Variants in APOL1 observed in about 807,000 individuals in gnomAD.
The protein encoded by APOL1 is apolipoprotein L 1.
A neutral mutation model predicts 14.9 loss-of-function variants in APOL1; 17 were observed. The observed-to-expected ratio is 1.14, with a 90% CI of 0.78 to 1.71. APOL1 has a LOEUF of 1.71. APOL1 is among the 40% of genes most tolerant of loss of function. APOL1 has a pLI of 0.00. For missense variants in APOL1, 523 were observed against 485.9 expected (o/e 1.08, Z -0.72); for synonymous variants, 195 against 184.8 (o/e 1.05, Z -0.45).
intron 1 of APOL1, chr22:36,253,710 G>A: frequency 1.8e-6 from 1 of 552,922 alleles, no homozygotes; most frequent in Non-Finnish European, 3.3e-6. Flanking sequence ...ACCAACTTGT[G>A]CCAGGCCCTG....
chr22:36,258,393 C>T (rs775920088), intron 4 of APOL1, among the ~76,000 whole-genome samples: 3 of 152,186 alleles, frequency 2.0e-5, no homozygotes, highest in Non-Finnish European at 2.9e-5. Context: ...CAAGGTTTAT[C>T]GGGTGAATAT....
chr22:36,257,574 G>A lies in APOL1; in HGVS notation c.187+167G>A, dbSNP rs184419392. On this transcript the variant is annotated intron_variant, in intron 4 of 5. Transcript: ENST00000397278. ...TGGAGTCCCCCGACCCAGGGGTCTG[G>A]GGGTCATCTGCATCCTGACCTCTCC... 5.0e-5 allele frequency: 35 copies of A among 698,088 alleles called. No individual in the cohort carries two copies. In the East Asian group the frequency reaches 8.4e-4, roughly 17 times the overall value. The allele number at this position is 698,088 out of a possible 1,614,324, so 43.2% of individuals were successfully genotyped here.
intron 2 of APOL1, among the ~76,000 whole-genome samples, chr22:36,256,371 T>C (rs1383272490): frequency 6.6e-6 from 1 of 152,230 alleles, no homozygotes; most frequent in South Asian, 2.1e-4. Context: ...CTTAAGGAAA[T>C]AATCTCAAAT....
chr22:36,262,791 G>C (rs1050094469), intron 5 of APOL1, among the ~76,000 whole-genome samples: 1 of 152,122 alleles, frequency 6.6e-6, no homozygotes, highest in African/African-American at 2.4e-5. Flanking sequence ...GCAAGTTCTG[G>C]GCTACCCTTT....
At chr22:36,257,605 G>T (rs1405720438) in intron 4 of APOL1, 198 bp downstream of exon 4, 2 of 598,850 alleles carry the variant, frequency 3.3e-6, no homozygotes. Context: ...TCTCCTTAGG[G>T]TGACACGGCC....
At chr22:36,253,892 T>C in intron 1 of APOL1, 1 of 1,591,490 alleles carries the variant, frequency 6.3e-7, no homozygotes, top group Non-Finnish European at 8.6e-7. Context: ...ATGGGAAACG[T>C]GGCTGAGACA....
chr22:36,259,916 C>A (rs762676926), intron 4 of APOL1: 2 of 1,295,820 alleles, frequency 1.5e-6, no homozygotes, highest in South Asian at 2.5e-5. Flanking sequence ...AATAGCCCCA[C>A]AGGTAAGCTA....
At position 36,266,688 on chromosome 22, in the gene APOL1, G is replaced by T; in HGVS notation, c.*655G>T. ...TGGGAGGCCAAGGCGGGCGGATCAC[G>T]AGGTCAGGAGATCGAGACCATCCTG... On this transcript the variant is annotated 3_prime_UTR_variant, in exon 6 of 6. Transcript: ENST00000397278. The T allele has an allele frequency of 2.7e-6, 1 of 369,562 alleles. No individual in the cohort carries two copies. Among genetic ancestry groups the T allele is most frequent in the Non-Finnish European group, 4.8e-6 (1 of 206,258 alleles). 22.9% of individuals were successfully genotyped at this position (369,562 alleles called of 1,614,324 possible). A position where few individuals can be genotyped will look rare whatever the true frequency, so the allele number is the denominator to read the frequency against.
rs541982833 is a variant in APOL1 at position 36,266,541 on chromosome 22, C to T, written c.*508C>T. ...CAAGGAGAAGGCAGGAACATTGGAG[C>T]CTGCAATAAGGGAAAAATGGGAACT... On this transcript the variant is annotated 3_prime_UTR_variant, in exon 6 of 6. Transcript: ENST00000397278. 2.0e-5 allele frequency: 8 copies of T among 399,306 alleles called. No homozygotes were observed. Among genetic ancestry groups the T allele is most frequent in the South Asian group, 1.3e-4 (1 of 7,884 alleles). The allele number at this position is 399,306 out of a possible 1,614,324, so 24.7% of individuals were successfully genotyped here.
At chr22:36,257,273 C>T (rs1569533829) in intron 3 of APOL1, 46 bp from the exon 4 acceptor site, 1 of 1,607,410 alleles carries the variant, frequency 6.2e-7, no homozygotes, top group South Asian at 1.1e-5. Flanking sequence ...CCTCTGTCCA[C>T]TGGTGGCTCA....
chr22:36,256,964 G>C (rs2015900863), intron 2 of APOL1, 119 bp from the exon 3 acceptor site: 10 of 1,060,110 alleles, frequency 9.4e-6, no homozygotes, highest in Non-Finnish European at 1.4e-5. Flanking sequence ...ATGCTCCCAG[G>C]CCCTGGTCAT....
chr22:36,263,884 G>A (rs1255113245), intron 5 of APOL1, among the ~76,000 whole-genome samples: 1 of 152,160 alleles, frequency 6.6e-6, no homozygotes, highest in African/African-American at 2.4e-5. Flanking sequence ...TGCTAAATTG[G>A]CCTAACAGGA....
At chr22:36,259,799 C>T (rs982098947) in intron 4 of APOL1, 2 of 1,304,144 alleles carry the variant, frequency 1.5e-6, no homozygotes, top group Non-Finnish European at 2.0e-6. Flanking sequence ...GTCGAAGAAC[C>T]CCCTCCACTG....
intron 5 of APOL1, among the ~76,000 whole-genome samples, chr22:36,262,601 A>G (rs1005069326): frequency 6.6e-6 from 1 of 152,218 alleles, no homozygotes; most frequent in African/African-American, 2.4e-5. Flanking sequence ...CTGGGGCACC[A>G]GGGCTGGGAC....
At chr22:36,260,366 G>A (rs1375468102) in intron 4 of APOL1, among the ~76,000 whole-genome samples, 1 of 152,174 alleles carries the variant, frequency 6.6e-6, no homozygotes, top group Non-Finnish European at 1.5e-5. Flanking sequence ...CTGCACTCCA[G>A]CCTGGGTGAG....
intron 4 of APOL1, among the ~76,000 whole-genome samples, chr22:36,258,220 G>A (rs1192626124): frequency 6.6e-6 from 1 of 152,140 alleles, no homozygotes; most frequent in Non-Finnish European, 1.5e-5. Context: ...AGGGATGACT[G>A]CCTCAGGCAG....
rs192737055 is a variant in APOL1, at chr22:36,254,766, G to T, written c.-19-171G>T. 8.6e-3 allele frequency: 6,240 copies of T among 723,788 alleles called. 49 individuals are homozygous for T. The highest frequency in any genetic ancestry group is 0.019 in the South Asian group (1,157 of 59,600). 44.8% of individuals were successfully genotyped at this position (723,788 alleles called of 1,614,324 possible). On this transcript the variant is annotated intron_variant, in intron 1 of 5. Transcript: ENST00000397278. ...TAGTCCCAGCTACTCGGGAGGCTGA[G>T]GCAGGAGAATGGCGTGAACCCGGGA...
intron 5 of APOL1, among the ~76,000 whole-genome samples, chr22:36,263,336 G>C (rs1489725022): frequency 6.6e-6 from 1 of 152,164 alleles, no homozygotes; most frequent in Non-Finnish European, 1.5e-5. Context: ...GTCTCTCCGG[G>C]GTTTTGTTTT....
intron 4 of APOL1, among the ~76,000 whole-genome samples, chr22:36,260,606 AT>A (rs136158): frequency 0.7 from 106,464 of 151,950 alleles, 39,715 homozygotes; most frequent in East Asian, 0.82. Context: ...ACCTACCATT[AT>A]TTTTTACATT....
Sources: allele counts gnomAD v4.1 joint callset (sites outside exome capture counted in the v4.1 genomes callset), GRCh38; gene constraint gnomAD v4.1.1; transcripts MANE v1.5; gene names NCBI Gene and HGNC (gene_info 2026-07-23, HGNC 2026-07-21).